The following LDLRAD3 variants were observed in gnomAD, a reference collection of about 807,000 sequenced individuals.
LDLRAD3 encodes low density lipoprotein receptor class A domain containing 3.
LDLRAD3 carries 20 observed loss-of-function variants against 29.4 expected under a neutral mutation model. The ratio of observed to expected loss-of-function variants is 0.68; its 90% CI spans 0.48 to 0.99. LDLRAD3 has a LOEUF of 0.99. LDLRAD3 is among the 50% of genes least tolerant of loss of function. The probability of loss-of-function intolerance (pLI) is 0.00; values close to 1 mark genes in which losing one functional copy is unlikely to be tolerated. For missense variants in LDLRAD3, 420 were observed against 454.3 expected (o/e 0.92, Z 0.69); for synonymous variants, 157 against 192.7 (o/e 0.81, Z 1.53).
chr11:36,126,608 T>C (rs756366870), intron 4 of LDLRAD3, among the ~76,000 whole-genome samples: 3 of 152,168 alleles, frequency 2.0e-5, no homozygotes, highest in African/African-American at 4.8e-5. Flanking sequence ...GGATCATCCA[T>C]CAGGGCTATC....
intron 2 of LDLRAD3, among the ~76,000 whole-genome samples, chr11:36,070,103 A>G (rs1312457399): frequency 6.6e-6 from 1 of 152,208 alleles, no homozygotes; most frequent in Non-Finnish European, 1.5e-5. Context: ...GTCTTCCACT[A>G]TCACAGAGAG....
At chr11:36,041,772 G>A (rs559116676) in intron 2 of LDLRAD3, among the ~76,000 whole-genome samples, 7 of 152,230 alleles carry the variant, frequency 4.6e-5, no homozygotes, top group East Asian at 1.9e-4. Flanking sequence ...GTTTGGGGTC[G>A]TCTTCCCAAG....
intron 1 of LDLRAD3, among the ~76,000 whole-genome samples, chr11:36,023,350 G>A (rs1393481070): frequency 6.6e-6 from 1 of 152,138 alleles, no homozygotes; most frequent in Non-Finnish European, 1.5e-5. Context: ...TTCTCCTGTT[G>A]CAGGGGGCCA....
At position 36,185,713 on chromosome 11, in the gene LDLRAD3, C is replaced by T. The variant is rs560895437; in HGVS notation, c.455-41372C>T. Among the ~76,000 whole-genome samples, 35 of 152,300 alleles carry T rather than the reference C, an allele frequency of 2.3e-4. No individual in the cohort carries two copies. In the South Asian group the frequency reaches 6.6e-3, roughly 29 times the overall value. On this transcript the variant is annotated intron_variant, in intron 4 of 5. Transcript: ENST00000315571. ...TGCCTCTCTTTACCACATTATTGCT[C>T]TCCCTTCACTCTGCTTCTGAAAGTC...
intron 1 of LDLRAD3, chr11:35,968,239 G>C (rs1173942665): frequency 2.5e-6 from 1 of 407,798 alleles, no homozygotes; most frequent in Non-Finnish European, 4.8e-6. Flanking sequence ...GGGGTGAAGG[G>C]ATTAGTATTG....
intron 4 of LDLRAD3, among the ~76,000 whole-genome samples, chr11:36,210,653 A>G (rs1236397809): frequency 6.6e-6 from 1 of 152,184 alleles, no homozygotes; most frequent in South Asian, 2.1e-4. Flanking sequence ...CTCCACCAAG[A>G]CTTCATTTCA....
chr11:36,131,413 G>C (rs897588241), intron 4 of LDLRAD3, among the ~76,000 whole-genome samples: 1 of 152,194 alleles, frequency 6.6e-6, no homozygotes, highest in Non-Finnish European at 1.5e-5. Flanking sequence ...AGAGGTATGA[G>C]CTGCCTGGCA....
chr11:36,153,732 G>C (rs754993856), intron 4 of LDLRAD3, among the ~76,000 whole-genome samples: 2 of 152,192 alleles, frequency 1.3e-5, no homozygotes, highest in Non-Finnish European at 2.9e-5. Flanking sequence ...AAGGAGAAGG[G>C]AGGAATGCAG....
intron 1 of LDLRAD3, among the ~76,000 whole-genome samples, chr11:36,027,292 T>A (rs1372691301): frequency 6.6e-6 from 1 of 152,228 alleles, no homozygotes; most frequent in African/African-American, 2.4e-5. Flanking sequence ...TCCTCATCGG[T>A]GAAAGTACCT....
chr11:36,095,750 C>G (rs933127364), intron 3 of LDLRAD3, among the ~76,000 whole-genome samples: 7 of 152,170 alleles, frequency 4.6e-5, no homozygotes, highest in Non-Finnish European at 8.8e-5. Context: ...ACAGCTTTCC[C>G]CATCAGGACG....
At chr11:36,223,339 T>C (rs1855455144) in intron 4 of LDLRAD3, among the ~76,000 whole-genome samples, 1 of 152,236 alleles carries the variant, frequency 6.6e-6, no homozygotes, top group South Asian at 2.1e-4. Flanking sequence ...ACTTGTATTC[T>C]TAAAACCTCA....
chr11:36,043,328 A>G (rs900229931), intron 2 of LDLRAD3, among the ~76,000 whole-genome samples: 1 of 152,164 alleles, frequency 6.6e-6, no homozygotes, highest in Non-Finnish European at 1.5e-5. Flanking sequence ...AACCCCAAAA[A>G]TTATTATATA....
intron 1 of LDLRAD3, among the ~76,000 whole-genome samples, chr11:36,017,678 A>T (rs1016356056): frequency 9.3e-5 from 14 of 151,286 alleles, no homozygotes; most frequent in African/African-American, 3.4e-4. Flanking sequence ...ACAGTCGTGC[A>T]CCCCCATGCC....
At chr11:36,130,598 A>G (rs1853911516) in intron 4 of LDLRAD3, among the ~76,000 whole-genome samples, 1 of 152,134 alleles carries the variant, frequency 6.6e-6, no homozygotes, top group Non-Finnish European at 1.5e-5. Flanking sequence ...TAAGATAGTG[A>G]TGACTCCGAG....
rs187855212 is a variant in LDLRAD3, at chr11:36,103,446, A to G, written c.454+4985A>G. On this transcript the variant is annotated intron_variant, in intron 4 of 5. Transcript: ENST00000315571. ...AGTAGAGACGGGGTTTCACCGTGTT[A>G]GCCGGGATGGTCTCCATCTCCTGAC... Among the ~76,000 whole-genome samples, 223 of 152,136 alleles carry G rather than the reference A, an allele frequency of 1.5e-3. 1 individual carries two copies. The highest frequency in any genetic ancestry group is 4.9e-3 in the African/African-American group (202 of 41,508).
At chr11:36,113,190 A>G (rs539454464) in intron 4 of LDLRAD3, among the ~76,000 whole-genome samples, 1 of 152,292 alleles carries the variant, frequency 6.6e-6, no homozygotes, top group African/African-American at 2.4e-5. Context: ...ATTCTGTATT[A>G]GTTAGAACAT....
In LDLRAD3 at chr11:35,958,665, G is replaced by A. The variant is rs541340627; in HGVS notation, c.46+14521G>A. Among the ~76,000 whole-genome samples the A allele has an allele frequency of 2.0e-5, 3 of 152,164 alleles. No homozygotes were observed. In the South Asian group the frequency reaches 6.2e-4, roughly 32 times the overall value. On this transcript the variant is annotated intron_variant, in intron 1 of 5. Coordinates refer to ENST00000315571, the MANE Select transcript of LDLRAD3 (RefSeq NM_174902.4). ...CAAAGCCTGTTGTTGCCCAGCCTTG[G>A]ATCTTCTTTTCTTCCAATTTCTTCA...
intron 4 of LDLRAD3, among the ~76,000 whole-genome samples, chr11:36,112,696 A>T (rs1392212767): frequency 1.3e-5 from 2 of 152,218 alleles, no homozygotes; most frequent in Non-Finnish European, 2.9e-5. Context: ...ATCATTCCGT[A>T]GGATAGGACA....
At position 36,229,267 on chromosome 11, in the gene LDLRAD3, C is replaced by T; in HGVS notation, c.908C>T (p.Ala303Val). The change falls in exon 6 of 6, where the codon GCC becomes GTC. Residue 303 changes from alanine (A) to valine (V), a missense_variant. Ala to Val is a moderately conservative substitution (Grantham distance 64). This residue lies in a region of LDLRAD3 where 140 missense variants were observed against 139.9 expected (regional missense o/e 1.00). Coordinates refer to ENST00000315571, the MANE Select transcript of LDLRAD3 (RefSeq NM_174902.4). ...YRSRSGSANS[A>V]SSQAASSLLS... Reference sequence around the variant, plus strand: ...TCCCGGTCCGGGAGTGCCAACAGTGCCAGCTCCCAGGCAGCCAGCAGCCTC... The same window carrying T: ...TCCCGGTCCGGGAGTGCCAACAGTGTCAGCTCCCAGGCAGCCAGCAGCCTC... 4 of 1,614,132 alleles carry T rather than the reference C, an allele frequency of 2.5e-6. No homozygotes were observed. Among genetic ancestry groups the T allele is most frequent in the Non-Finnish European group, 3.4e-6 (4 of 1,179,994 alleles).
Sources: allele counts gnomAD v4.1 joint callset (sites outside exome capture counted in the v4.1 genomes callset), GRCh38; gene constraint gnomAD v4.1.1; regional missense constraint gnomAD v4.1.1; transcripts MANE v1.5; gene names NCBI Gene and HGNC (gene_info 2026-07-23, HGNC 2026-07-21).